The following TOX variants were observed in gnomAD, a reference collection of about 807,000 sequenced individuals.
TOX encodes thymocyte selection associated high mobility group box, also known as thymocyte selection-associated high mobility group box protein TOX.
Under a neutral mutation model 53.7 loss-of-function variants are expected in TOX, and 11 were observed. That is an observed-to-expected ratio of 0.20 (90% CI 0.13 to 0.34). The LOEUF (loss-of-function observed/expected upper bound fraction) is 0.34. TOX is among the 10% of genes least tolerant of loss of function. The probability of loss-of-function intolerance (pLI) is 1.00; values close to 1 mark genes in which losing one functional copy is unlikely to be tolerated. For synonymous variants in TOX, 225 were observed against 245.3 expected, an observed-to-expected ratio of 0.92 and a Z score of 0.77; for missense variants, 570 against 664.6, an observed-to-expected ratio of 0.86 and a Z score of 1.56.
chr8:58,871,018 TA>T (rs1337422540), intron 3 of TOX, among the ~76,000 whole-genome samples: 6 of 151,388 alleles, frequency 4.0e-5, no homozygotes, highest in African/African-American at 4.9e-5. Flanking sequence ...TCATAATCAG[TA>T]AAAAAAAGTC....
intron 3 of TOX, among the ~76,000 whole-genome samples, chr8:58,887,698 G>A (rs1298311533): frequency 6.6e-6 from 1 of 151,830 alleles, no homozygotes; most frequent in Non-Finnish European, 1.5e-5. Flanking sequence ...CTGTTTTTCT[G>A]TTTTGCTTGC....
At chr8:59,054,948 AGAGAG>A (rs888234211) in intron 1 of TOX, among the ~76,000 whole-genome samples, 1 of 109,536 alleles carries the variant, frequency 9.1e-6, no homozygotes, top group African/African-American at 3.4e-5. Flanking sequence ...GAAAGGAAAA[AGAGAG>A]GAGGGAGGGA....
intron 1 of TOX, among the ~76,000 whole-genome samples, chr8:59,089,134 AT>A (rs1375965502): frequency 1.3e-5 from 2 of 152,238 alleles, no homozygotes; most frequent in African/African-American, 4.8e-5. Context: ...ACAGAGCTTC[AT>A]GCTGATAATA....
intron 1 of TOX, among the ~76,000 whole-genome samples, chr8:59,031,408 G>T (rs186305016): frequency 4.6e-5 from 7 of 152,288 alleles, no homozygotes; most frequent in Non-Finnish European, 5.9e-5. Context: ...TAAGATTCAT[G>T]TGCTTAAGTA....
chr8:59,084,487 T>G (rs1315480742), intron 1 of TOX, among the ~76,000 whole-genome samples: 1 of 152,208 alleles, frequency 6.6e-6, no homozygotes, highest in Non-Finnish European at 1.5e-5. Flanking sequence ...AAACTACTAA[T>G]AATTCGTAGG....
intron 5 of TOX, among the ~76,000 whole-genome samples, chr8:58,831,890 A>G (rs1351717796): frequency 6.6e-6 from 1 of 152,140 alleles, no homozygotes; most frequent in Non-Finnish European, 1.5e-5. Flanking sequence ...ATACAGGTAT[A>G]CAATCCACCC....
At chr8:58,998,533 A>AATAAATT (rs58825825) in intron 1 of TOX, among the ~76,000 whole-genome samples, 15,517 of 39,652 alleles carry the variant, frequency 0.39, 2,756 homozygotes, top group Non-Finnish European at 0.45. Flanking sequence ...ATATATATAT[A>AATAAATT]TATATAAATT....
At chr8:58,898,973 A>G (rs1811693008) in intron 3 of TOX, among the ~76,000 whole-genome samples, 1 of 152,198 alleles carries the variant, frequency 6.6e-6, no homozygotes, top group Admixed American at 6.5e-5. Flanking sequence ...AGGCTCTGAG[A>G]GGTCCAGTAC....
chr8:58,852,391 C>G (rs1282066045), intron 3 of TOX, among the ~76,000 whole-genome samples: 1 of 152,100 alleles, frequency 6.6e-6, no homozygotes, highest in Admixed American at 6.6e-5. Flanking sequence ...TGGTATTAAC[C>G]AATTATTAAT....
chr8:59,089,875 T>C (rs1348100867), intron 1 of TOX, among the ~76,000 whole-genome samples: 3 of 152,214 alleles, frequency 2.0e-5, no homozygotes, highest in Admixed American at 1.3e-4. Flanking sequence ...TGAGCCACCA[T>C]GCCCAGCCAA....
intron 2 of TOX, among the ~76,000 whole-genome samples, chr8:58,952,129 CAGG>C (rs1280579506): frequency 6.6e-6 from 1 of 152,102 alleles, no homozygotes; most frequent in Non-Finnish European, 1.5e-5. Flanking sequence ...TGAGGATACA[CAGG>C]AGGAGGTCTC....
chr8:58,828,691 G>A (rs1810403403), intron 5 of TOX, among the ~76,000 whole-genome samples: 3 of 151,948 alleles, frequency 2.0e-5, no homozygotes, highest in African/African-American at 7.2e-5. Flanking sequence ...CCATGAAACA[G>A]CTCTCCTGCT....
rs372284260 is a variant in TOX, at chr8:59,037,008, C to T, written c.103-77000G>A. ...GCAATTCCTTATATGACCTGGAATGCGTGTCAAGAGCTGCTCATAGTTTGA... is the reference window on the plus strand; with the variant it reads ...GCAATTCCTTATATGACCTGGAATGTGTGTCAAGAGCTGCTCATAGTTTGA... On this transcript the variant is annotated intron_variant, in intron 1 of 8. Coordinates refer to ENST00000361421, the MANE Select transcript of TOX (RefSeq NM_014729.3). Among the ~76,000 whole-genome samples, 148 of 152,242 alleles carry T rather than the reference C, an allele frequency of 9.7e-4. 4 individuals are homozygous for T. The South Asian group carries it at 0.029, about 30-fold the overall frequency.
chr8:59,030,356 C>G (rs1417560548), intron 1 of TOX, among the ~76,000 whole-genome samples: 2 of 152,178 alleles, frequency 1.3e-5, no homozygotes, highest in South Asian at 2.1e-4. Flanking sequence ...AATGTTACTT[C>G]TCTTAAGCGC....
chr8:59,023,999 T>C (rs1355899829), intron 1 of TOX, among the ~76,000 whole-genome samples: 1 of 152,130 alleles, frequency 6.6e-6, no homozygotes, highest in African/African-American at 2.4e-5. Flanking sequence ...AGAGCATACT[T>C]AAGCTCAATA....
At position 58,805,536 on chromosome 8, in the gene TOX, T is replaced by C. The variant is rs1230977046; in HGVS notation, c.*2211A>G. 4.6e-5 allele frequency: 7 copies of C among 152,656 alleles called. No homozygotes were observed. The East Asian group carries it at 1.3e-3, about 29-fold the overall frequency. 9.5% of individuals were successfully genotyped at this position (152,656 alleles called of 1,614,324 possible). On this transcript the variant is annotated 3_prime_UTR_variant, in exon 9 of 9. Transcript: ENST00000361421. ...GGTCGCACAGCTGCTCTAGAAAAGCTGTAAACAACACGGCACTGTGCTTTC... is the reference window on the plus strand; with the variant it reads ...GGTCGCACAGCTGCTCTAGAAAAGCCGTAAACAACACGGCACTGTGCTTTC...
At chr8:59,095,624 T>A (rs2129424086) in intron 1 of TOX, among the ~76,000 whole-genome samples, 1 of 152,270 alleles carries the variant, frequency 6.6e-6, no homozygotes, top group East Asian at 1.9e-4. Flanking sequence ...GGTCTTGAAC[T>A]CCTGACATCA....
chr8:58,828,332 G>T (rs72649457), intron 5 of TOX, among the ~76,000 whole-genome samples: 27,859 of 152,032 alleles, frequency 0.18, 2,845 homozygotes, highest in Non-Finnish European at 0.23. Flanking sequence ...CTCCTAAAGT[G>T]GGGGGCTTCA....
At chr8:58,915,816 A>G (rs1812008868) in intron 3 of TOX, among the ~76,000 whole-genome samples, 1 of 148,798 alleles carries the variant, frequency 6.7e-6, no homozygotes, top group African/African-American at 2.5e-5. Context: ...AAAATTTAGA[A>G]GAATGTATAA....
Sources: allele counts gnomAD v4.1 joint callset (sites outside exome capture counted in the v4.1 genomes callset), GRCh38; gene constraint gnomAD v4.1.1; transcripts MANE v1.5; gene names NCBI Gene and HGNC (gene_info 2026-07-23, HGNC 2026-07-21).